SAXO1: variants seen among roughly 807,000 people sequenced by gnomAD.
The protein encoded by SAXO1 is 4930500O09Rik.
Under a neutral mutation model 17.5 loss-of-function variants are expected in SAXO1, and 21 were observed. The ratio of observed to expected loss-of-function variants is 1.20; its 90% CI spans 0.85 to 1.72. The LOEUF (loss-of-function observed/expected upper bound fraction) is 1.72. SAXO1 is among the 40% of genes most tolerant of loss of function. The pLI is 0.00. For synonymous variants in SAXO1, 274 were observed against 216.5 expected (o/e 1.27, Z -2.33); for missense variants, 843 against 596.0 (o/e 1.41, Z -4.32).
intron 1 of SAXO1, among the ~76,000 whole-genome samples, chr9:19,010,367 G>T (rs1588525145): frequency 6.6e-6 from 1 of 151,788 alleles, no homozygotes; most frequent in South Asian, 2.1e-4. Flanking sequence ...TTTCCATCAA[G>T]CTCCCTTCTG....
intron 2 of SAXO1, among the ~76,000 whole-genome samples, chr9:18,945,191 T>A (rs1393381751): frequency 2.0e-5 from 3 of 152,166 alleles, no homozygotes. Context: ...AGTACAGACT[T>A]GCCTTCCTCT....
intron 1 of SAXO1, among the ~76,000 whole-genome samples, chr9:18,990,938 A>G (rs1488284205): frequency 6.6e-6 from 1 of 152,164 alleles, no homozygotes; most frequent in Admixed American, 6.5e-5. Flanking sequence ...TAATTATTAT[A>G]TATTACAATA....
chr9:18,949,466 A>AG (rs1554669687), intron 2 of SAXO1, among the ~76,000 whole-genome samples: 75 of 151,794 alleles, frequency 4.9e-4, no homozygotes, highest in African/African-American at 1.7e-3. Context: ...TAAAAAAAAA[A>AG]TTTTTTTTAA....
At chr9:19,013,096 C>T (rs1298212218) in intron 1 of SAXO1, among the ~76,000 whole-genome samples, 1 of 152,116 alleles carries the variant, frequency 6.6e-6, no homozygotes, top group African/African-American at 2.4e-5. Flanking sequence ...TTTCATCAAA[C>T]TGGCCTTCCA....
upstream of SAXO1, among the ~76,000 whole-genome samples, chr9:19,037,262 A>C (rs1373098608): frequency 6.6e-6 from 1 of 152,186 alleles, no homozygotes; most frequent in African/African-American, 2.4e-5. Flanking sequence ...CTTTCGGGTT[A>C]ATGCCGAAAT....
At chr9:19,047,568 T>C (rs913602450) in intron 1 of SAXO1, among the ~76,000 whole-genome samples, 2 of 148,718 alleles carry the variant, frequency 1.3e-5, no homozygotes. Flanking sequence ...ATGCCAATTA[T>C]CATTAAGTTT....
chr9:19,005,235 C>G (rs2130970246), intron 1 of SAXO1, among the ~76,000 whole-genome samples: 1 of 152,194 alleles, frequency 6.6e-6, no homozygotes, highest in Middle Eastern at 3.4e-3. Flanking sequence ...TTCAATCAAG[C>G]CCTATCAAAA....
intron 1 of SAXO1, among the ~76,000 whole-genome samples, chr9:19,041,721 T>C (rs1180671341): frequency 2.0e-5 from 3 of 152,176 alleles, no homozygotes; most frequent in African/African-American, 7.2e-5. Flanking sequence ...TAAATAGTGC[T>C]GGAAAAACTG....
At chr9:19,027,209 T>C in intron 1 of SAXO1, 1 of 1,187,596 alleles carries the variant, frequency 8.4e-7, no homozygotes, top group Non-Finnish European at 1.3e-6. Context: ...ACAAGTGTGC[T>C]GTGATCAAAA....
chr9:19,017,189 G>GA (rs986989847), intron 1 of SAXO1, among the ~76,000 whole-genome samples: 3 of 150,294 alleles, frequency 2.0e-5, no homozygotes, highest in Admixed American at 6.6e-5. Flanking sequence ...GAAAGAAAAA[G>GA]AAAAAAAAAG....
chr9:18,970,897 C>A (rs1832918765), intron 1 of SAXO1, among the ~76,000 whole-genome samples: 1 of 152,178 alleles, frequency 6.6e-6, no homozygotes, highest in Admixed American at 6.5e-5. Flanking sequence ...CAAAACTTAG[C>A]CCGAGGTCTC....
At chr9:18,972,124 C>A (rs1256211727) in intron 1 of SAXO1, among the ~76,000 whole-genome samples, 1 of 152,136 alleles carries the variant, frequency 6.6e-6, no homozygotes, top group Non-Finnish European at 1.5e-5. Context: ...TACTGGACCT[C>A]CCAGATGCTG....
intron 3 of SAXO1, among the ~76,000 whole-genome samples, chr9:18,934,034 G>C (rs550092041): frequency 7.9e-5 from 12 of 151,928 alleles, no homozygotes; most frequent in Non-Finnish European, 1.5e-4. Context: ...GTGACAGAGC[G>C]AGACTCCGTC....
intron 1 of SAXO1, among the ~76,000 whole-genome samples, chr9:18,990,168 CTT>C (rs11344361): frequency 5.4e-5 from 8 of 148,434 alleles, no homozygotes; most frequent in African/African-American, 7.5e-5. Flanking sequence ...GAGTCATGGA[CTT>C]TTTTTTTTTT....
At chr9:19,008,889 C>T (rs1185233857) in intron 1 of SAXO1, among the ~76,000 whole-genome samples, 1 of 152,164 alleles carries the variant, frequency 6.6e-6, no homozygotes, top group African/African-American at 2.4e-5. Flanking sequence ...ATGCATGCAA[C>T]TTAGCAACTC....
At chr9:19,009,573 T>C (rs1834636586) in intron 1 of SAXO1, among the ~76,000 whole-genome samples, 1 of 148,538 alleles carries the variant, frequency 6.7e-6, no homozygotes, top group Non-Finnish European at 1.5e-5. Flanking sequence ...ATAGAAACAA[T>C]TTGGTATTTA....
chr9:18,940,193 C>T (rs1359022838), intron 3 of SAXO1, among the ~76,000 whole-genome samples: 2 of 152,102 alleles, frequency 1.3e-5, no homozygotes, highest in South Asian at 4.2e-4. Context: ...CAAGGACTGT[C>T]GTGGTGGGAG....
rs1835539271 is a variant in SAXO1 at position 19,027,481 on chromosome 9, A to C, written c.38+5390T>G. 5.0e-6 allele frequency: 4 copies of C among 802,134 alleles called. No homozygotes were observed. The African/African-American group carries it at 6.7e-5, about 13-fold the overall frequency. 49.7% of individuals were successfully genotyped at this position (802,134 alleles called of 1,614,324 possible). On this transcript the variant is annotated intron_variant, in intron 1 of 3. Coordinates refer to ENST00000380534, the MANE Select transcript of SAXO1 (RefSeq NM_153707.4). ...AATGAACCACAAGGAGAAGTTTGAG[A>C]ACTTGCGGATCCAACATCCAAAAGG...
rs548651468 is a variant in SAXO1, at chr9:18,970,921, C to T, written c.39-19984G>A. ...GCCCGAGGTCTCTTAGCCTCCGTGT[C>T]AGGTTTTCAGTGCCAAGGTCTCCCT... On this transcript the variant is annotated intron_variant, in intron 1 of 3. Coordinates refer to ENST00000380534, the MANE Select transcript of SAXO1 (RefSeq NM_153707.4). Among the ~76,000 whole-genome samples the T allele has an allele frequency of 9.6e-4, 146 of 152,276 alleles. 2 individuals carry two copies. The highest frequency in any genetic ancestry group is 3.3e-4 in the Admixed American group (5 of 15,294).
Sources: allele counts gnomAD v4.1 joint callset (sites outside exome capture counted in the v4.1 genomes callset), GRCh38; gene constraint gnomAD v4.1.1; transcripts MANE v1.5; gene names NCBI Gene and HGNC (gene_info 2026-07-23, HGNC 2026-07-21).